FRMD4A: variants seen among roughly 807,000 people sequenced by gnomAD.
FRMD4A encodes FERM domain containing 4A, also known as FERM domain-containing protein 4A.
In FRMD4A, 29 loss-of-function variants were observed where a neutral mutation model predicts 129.1. The ratio of observed to expected loss-of-function variants is 0.22; its 90% confidence interval spans 0.17 to 0.31. FRMD4A has a LOEUF of 0.31. Ranked by LOEUF, FRMD4A falls within the 10% of genes least tolerant of loss-of-function variation. FRMD4A has a pLI of 1.00. For synonymous variants in FRMD4A, 634 were observed against 571.6 expected, an observed-to-expected ratio of 1.11 and a Z score of -1.56; for missense variants, 1,272 against 1,375.8, an observed-to-expected ratio of 0.92 and a Z score of 1.19.
intron 2 of FRMD4A, among the ~76,000 whole-genome samples, chr10:13,998,128 A>G (rs1354427302): frequency 2.0e-5 from 3 of 152,156 alleles, no homozygotes. Flanking sequence ...GAGTGGCTTC[A>G]GGTCCAGTGT....
At chr10:14,277,679 G>C (rs757405282) in intron 2 of FRMD4A, among the ~76,000 whole-genome samples, 1 of 152,232 alleles carries the variant, frequency 6.6e-6, no homozygotes, top group Non-Finnish European at 1.5e-5. Flanking sequence ...GAACCTTGAG[G>C]CAACGCCTCC....
At chr10:14,165,165 TAAAAAC>T (rs1841108318) in intron 2 of FRMD4A, among the ~76,000 whole-genome samples, 1 of 151,726 alleles carries the variant, frequency 6.6e-6, no homozygotes, top group Non-Finnish European at 1.5e-5. Context: ...AATAAGGAAA[TAAAAAC>T]AAAAACAAAT....
intron 2 of FRMD4A, among the ~76,000 whole-genome samples, chr10:14,166,080 T>C (rs959287704): frequency 2.0e-5 from 3 of 151,570 alleles, no homozygotes; most frequent in African/African-American, 7.3e-5. Context: ...AATAAAATAT[T>C]ATCTTAAAAA....
At chr10:13,913,575 A>T (rs1043953929) in intron 2 of FRMD4A, among the ~76,000 whole-genome samples, 1 of 152,274 alleles carries the variant, frequency 6.6e-6, no homozygotes, top group East Asian at 1.9e-4. Context: ...CATTCACATA[A>T]GGGTCCAGCC....
intron 12 of FRMD4A, 41 bp from the exon 13 acceptor site, chr10:13,707,154 G>A (rs1218680177): frequency 9.0e-7 from 1 of 1,116,028 alleles, no homozygotes; most frequent in South Asian, 1.2e-5. Context: ...AGGAGGGGCT[G>A]GCTCCTGGGC....
intron 2 of FRMD4A, among the ~76,000 whole-genome samples, chr10:14,179,012 G>C (rs1453774079): frequency 6.6e-6 from 1 of 152,128 alleles, no homozygotes; most frequent in African/African-American, 2.4e-5. Flanking sequence ...TCAAAAAAGA[G>C]AGGGAAATAA....
chr10:13,817,737 A>G (rs775826398), intron 3 of FRMD4A, among the ~76,000 whole-genome samples: 9 of 152,182 alleles, frequency 5.9e-5, no homozygotes, highest in East Asian at 1.9e-4. Context: ...TGGAACTGTG[A>G]GTTCACTAAA....
At chr10:13,909,274 T>C (rs1054291528) in intron 2 of FRMD4A, among the ~76,000 whole-genome samples, 38 of 152,356 alleles carry the variant, frequency 2.5e-4, no homozygotes, top group Non-Finnish European at 4.3e-4. Context: ...GTCTCCTTTG[T>C]AGTGTGTGAG....
chr10:14,072,455 A>G (rs954685550), intron 2 of FRMD4A, among the ~76,000 whole-genome samples: 19 of 152,218 alleles, frequency 1.2e-4, no homozygotes, highest in Admixed American at 1.2e-3. Flanking sequence ...AAAGTCGAAA[A>G]TATTATAAGA....
intron 14 of FRMD4A, among the ~76,000 whole-genome samples, chr10:13,697,301 T>G (rs1407459663): frequency 1.3e-5 from 2 of 152,098 alleles, no homozygotes; most frequent in African/African-American, 2.4e-5. Flanking sequence ...GGACCACACA[T>G]GTGGTCCACC....
At chr10:14,061,434 T>A (rs1476697079) in intron 2 of FRMD4A, among the ~76,000 whole-genome samples, 9 of 152,082 alleles carry the variant, frequency 5.9e-5, no homozygotes, top group Admixed American at 5.9e-4. Flanking sequence ...TGAGACTCCA[T>A]CTCAAAAAAG....
chr10:13,664,605 G>A (rs2082872423), intron 18 of FRMD4A, among the ~76,000 whole-genome samples: 1 of 152,178 alleles, frequency 6.6e-6, no homozygotes, highest in African/African-American at 2.4e-5. Context: ...GCTACGCTAG[G>A]ATGCTCACGA....
chr10:13,884,142 ACTCTCACACACTCT>A (rs1177215267), intron 2 of FRMD4A, among the ~76,000 whole-genome samples: 1 of 29,532 alleles, frequency 3.4e-5, no homozygotes, highest in African/African-American at 9.7e-5. Flanking sequence ...GCTCACACAC[ACTCTCACACACTCT>A]CACACACACA....
chr10:13,659,555 T>A, intron 20 of FRMD4A, 65 bp from the exon 21 acceptor site: 1 of 1,498,258 alleles, frequency 6.7e-7, no homozygotes, highest in Non-Finnish European at 9.1e-7. Context: ...GGGGGCTGGC[T>A]AGTTCAGGAC....
intron 2 of FRMD4A, among the ~76,000 whole-genome samples, chr10:13,902,447 C>CAAAATACTG (rs1299966154): frequency 2.3e-5 from 2 of 88,450 alleles, no homozygotes; most frequent in Admixed American, 1.2e-4. Flanking sequence ...GATGGTTAGG[C>CAAAATACTG]AAAATACTGG....
At chr10:14,099,564 A>T (rs1056882323) in intron 2 of FRMD4A, among the ~76,000 whole-genome samples, 1 of 152,116 alleles carries the variant, frequency 6.6e-6, no homozygotes, top group African/African-American at 2.4e-5. Context: ...CCCTGTTTAT[A>T]TGTAGGTTTC....
chr10:14,096,632 G>T (rs896571385), intron 2 of FRMD4A, among the ~76,000 whole-genome samples: 2 of 152,180 alleles, frequency 1.3e-5, no homozygotes, highest in African/African-American at 2.4e-5. Context: ...AGAGGGAAAG[G>T]TTGAAGCAGC....
intron 15 of FRMD4A, among the ~76,000 whole-genome samples, chr10:13,691,946 T>A (rs2085736192): frequency 6.6e-6 from 1 of 152,132 alleles, no homozygotes; most frequent in Non-Finnish European, 1.5e-5. Flanking sequence ...TTCTCTTTGA[T>A]CCTTGAAGAC....
chr10:14,318,029 G>A (rs1238501155), intron 2 of FRMD4A, among the ~76,000 whole-genome samples: 1 of 152,160 alleles, frequency 6.6e-6, no homozygotes, highest in East Asian at 1.9e-4. Flanking sequence ...ACCTCACTCA[G>A]TAATTGTAGA....
Sources: allele counts gnomAD v4.1 joint callset (sites outside exome capture counted in the v4.1 genomes callset), GRCh38; gene constraint gnomAD v4.1.1; transcripts MANE v1.5; gene names NCBI Gene and HGNC (gene_info 2026-07-23, HGNC 2026-07-21).